The following SH3GL2 variants were observed in gnomAD, a reference collection of about 807,000 sequenced individuals.
SH3GL2 encodes the protein endophilin-A1.
In SH3GL2, 24 loss-of-function variants were observed where a neutral mutation model predicts 46.0. That is an observed-to-expected ratio of 0.52 (90% CI 0.38 to 0.73). The LOEUF (loss-of-function observed/expected upper bound fraction) is 0.73. SH3GL2 is among the 30% of genes least tolerant of loss of function. The probability of loss-of-function intolerance (pLI) is 0.00; values close to 1 mark genes in which losing one functional copy is unlikely to be tolerated. For synonymous variants in SH3GL2, 196 were observed against 147.1 expected (o/e 1.33, Z -2.40); for missense variants, 413 against 424.2 (o/e 0.97, Z 0.23).
At chr9:17,706,058 TAGTC>T (rs1182541801) in intron 1 of SH3GL2, among the ~76,000 whole-genome samples, 2 of 152,006 alleles carry the variant, frequency 1.3e-5, no homozygotes, top group Admixed American at 6.6e-5. Context: ...TAGAAAGTAT[TAGTC>T]GATGATATCA....
intron 1 of SH3GL2, among the ~76,000 whole-genome samples, chr9:17,661,374 G>T (rs1323346035): frequency 6.6e-6 from 1 of 152,084 alleles, no homozygotes; most frequent in Non-Finnish European, 1.5e-5. Flanking sequence ...CATCTTGATA[G>T]CATGGAGCAG....
In SH3GL2 at chr9:17,645,151, C is replaced by CTTTTTTTTTTTTTTTTTTT. The variant is rs57611978; in HGVS notation, c.45+65877_45+65895dup. ...TCAGAGACTAGGATTGCAAACGCTG[C>CTTTTTTTTTTTTTTTTTTT]TTTTTTTTTTTTTTTTTTTTTTTTT... On this transcript the variant is annotated intron_variant, in intron 1 of 8. Coordinates refer to ENST00000380607, the MANE Select transcript of SH3GL2 (RefSeq NM_003026.5). Among the ~76,000 whole-genome samples, 10 of 68,778 alleles carry CTTTTTTTTTTTTTTTTTTT rather than the reference C, an allele frequency of 1.5e-4. 1 individual carries two copies. Among genetic ancestry groups the CTTTTTTTTTTTTTTTTTTT allele is most frequent in the African/African-American group, 2.0e-4 (3 of 15,358 alleles). 45.1% of individuals were successfully genotyped at this position (68,778 alleles called of 152,430 possible). A position where few individuals can be genotyped will look rare whatever the true frequency, so the allele number is the denominator to read the frequency against.
At chr9:17,615,732 T>TA (rs765372067) in intron 1 of SH3GL2, among the ~76,000 whole-genome samples, 5,667 of 144,564 alleles carry the variant, frequency 0.039, 128 homozygotes, top group African/African-American at 0.057. Flanking sequence ...GGACGAAAGT[T>TA]AAAAAAAAAA....
intron 4 of SH3GL2, 72 bp downstream of exon 4, chr9:17,786,596 G>A (rs1823964629): frequency 4.8e-6 from 7 of 1,471,156 alleles, no homozygotes; most frequent in African/African-American, 2.8e-5. Context: ...AAGAAATTCT[G>A]TAGGGAATCG....
chr9:17,614,542 CAG>C (rs770335642), intron 1 of SH3GL2, among the ~76,000 whole-genome samples: 18 of 152,148 alleles, frequency 1.2e-4, no homozygotes, highest in East Asian at 3.9e-4. Flanking sequence ...AGGGCAAACT[CAG>C]GGGGAAAAGG....
At chr9:17,664,482 A>G (rs531764102) in intron 1 of SH3GL2, among the ~76,000 whole-genome samples, 1 of 152,266 alleles carries the variant, frequency 6.6e-6, no homozygotes, top group South Asian at 2.1e-4. Context: ...AATGAGAAGT[A>G]TAATGATCTT....
intron 1 of SH3GL2, among the ~76,000 whole-genome samples, chr9:17,595,503 T>G (rs1162183038): frequency 2.0e-5 from 3 of 152,164 alleles, no homozygotes; most frequent in Admixed American, 6.5e-5. Context: ...TTAAAACACT[T>G]CTGGAGATCA....
chr9:17,630,702 C>G (rs529408674), intron 1 of SH3GL2, among the ~76,000 whole-genome samples: 1 of 152,288 alleles, frequency 6.6e-6, no homozygotes, highest in East Asian at 1.9e-4. Context: ...GAAATTACTG[C>G]TACCTAACAG....
intron 1 of SH3GL2, among the ~76,000 whole-genome samples, chr9:17,665,844 C>A (rs1015683526): frequency 2.0e-5 from 3 of 149,426 alleles, no homozygotes; most frequent in East Asian, 3.9e-4. Flanking sequence ...AAAATACACA[C>A]AAATAAATAT....
At chr9:17,615,648 G>A (rs1818975131) in intron 1 of SH3GL2, among the ~76,000 whole-genome samples, 2 of 105,114 alleles carry the variant, frequency 1.9e-5, no homozygotes, top group African/African-American at 7.9e-5. Context: ...GACAGAGCGA[G>A]ACTCCGTCTC....
chr9:17,763,397 G>C (rs1345905897), intron 3 of SH3GL2, among the ~76,000 whole-genome samples: 1 of 152,152 alleles, frequency 6.6e-6, no homozygotes, highest in Non-Finnish European at 1.5e-5. Flanking sequence ...ACTCTTCCTA[G>C]ATTTAGGGTG....
chr9:17,760,066 G>A (rs1014682100), intron 2 of SH3GL2, among the ~76,000 whole-genome samples: 4 of 152,132 alleles, frequency 2.6e-5, no homozygotes, highest in Admixed American at 6.6e-5. Flanking sequence ...GTTGTGTACT[G>A]CACAACTCCA....
At chr9:17,644,407 T>C (rs1819756808) in intron 1 of SH3GL2, among the ~76,000 whole-genome samples, 1 of 152,220 alleles carries the variant, frequency 6.6e-6, no homozygotes, top group Non-Finnish European at 1.5e-5. Context: ...GTAGTTCTTC[T>C]AATTGTGATG....
chr9:17,791,011 C>T (rs374620340), intron 6 of SH3GL2, among the ~76,000 whole-genome samples: 1 of 152,162 alleles, frequency 6.6e-6, no homozygotes, highest in Non-Finnish European at 1.5e-5. Flanking sequence ...CCTCATGGTA[C>T]TGATACGCAT....
At chr9:17,666,410 C>A (rs1215949274) in intron 1 of SH3GL2, among the ~76,000 whole-genome samples, 1 of 152,042 alleles carries the variant, frequency 6.6e-6, no homozygotes, top group Non-Finnish European at 1.5e-5. Flanking sequence ...TCTGTTTATG[C>A]AGCTCCCACC....
intron 1 of SH3GL2, among the ~76,000 whole-genome samples, chr9:17,619,216 GA>G (rs1415292957): frequency 1.3e-5 from 2 of 152,198 alleles, no homozygotes; most frequent in Non-Finnish European, 2.9e-5. Context: ...CACAGAGAAG[GA>G]AGTGATTCAT....
intron 3 of SH3GL2, among the ~76,000 whole-genome samples, chr9:17,786,113 T>C (rs973244936): frequency 2.0e-5 from 3 of 152,136 alleles, no homozygotes; most frequent in African/African-American, 7.2e-5. Flanking sequence ...GGGCACACAG[T>C]GATAGAATTT....
intron 1 of SH3GL2, among the ~76,000 whole-genome samples, chr9:17,703,980 AG>A (rs1196608051): frequency 6.6e-6 from 1 of 152,090 alleles, no homozygotes; most frequent in African/African-American, 2.4e-5. Context: ...GCATTCAGAT[AG>A]GCAGAGAGGA....
At position 17,579,098 on chromosome 9, in the gene SH3GL2, C is replaced by G; in HGVS notation, c.-145C>G. 2.0e-6 allele frequency: 1 copy of G among 509,520 alleles called. No homozygotes were observed. Among genetic ancestry groups the G allele is most frequent in the Non-Finnish European group, 3.3e-6 (1 of 299,418 alleles). The allele number at this position is 509,520 out of a possible 1,614,324, so 31.6% of individuals were successfully genotyped here. ...TGTTTCTCCGCAAGAGCCCGTGTCC[C>G]GCTAGGCTCCGCGCCCTCGCGCCCA... On this transcript the variant is annotated 5_prime_UTR_variant, in exon 1 of 9. Coordinates refer to ENST00000380607, the MANE Select transcript of SH3GL2 (RefSeq NM_003026.5).
Sources: gnomAD v4.1 joint callset for allele counts (sites outside exome capture counted in the v4.1 genomes callset) on GRCh38, gnomAD v4.1.1 for gene constraint, MANE v1.5 for transcripts, NCBI Gene and HGNC (gene_info 2026-07-23, HGNC 2026-07-21) for gene names.